The following RIMS2 variants were observed in gnomAD, a reference collection of about 807,000 sequenced individuals.
RIMS2 encodes the protein regulating synaptic membrane exocytosis protein 2.
RIMS2 carries 59 observed loss-of-function variants against 174.4 expected under a neutral mutation model. The ratio of observed to expected loss-of-function variants is 0.34; its 90% CI spans 0.27 to 0.42. RIMS2 has a LOEUF of 0.42. RIMS2 is among the 10% of genes least tolerant of loss of function. The probability of loss-of-function intolerance (pLI) is 1.00; values close to 1 mark genes in which losing one functional copy is unlikely to be tolerated. For synonymous variants in RIMS2, 606 were observed against 572.5 expected (o/e 1.06, Z -0.84); for missense variants, 1,620 against 1,666.3 (o/e 0.97, Z 0.48).
Position 103,961,859 on chromosome 8 carries a change from TAA to T in RIMS2, c.2770+727_2770+728del, listed in dbSNP as rs931162400. Among the ~76,000 whole-genome samples the T allele has an allele frequency of 8.5e-5, 13 of 152,288 alleles. No homozygotes were observed. The East Asian group carries it at 1.7e-3, about 20-fold the overall frequency. On this transcript the variant is annotated intron_variant, in intron 15 of 23. Coordinates refer to ENST00000504942, the Ensembl canonical transcript of RIMS2. Reference sequence around the variant, plus strand: ...ACAATATTTTTTTGCCAATTTTTGTTAAGAGTCAGTTAGCATGCCTTTATCAG... The same window carrying T: ...ACAATATTTTTTTGCCAATTTTTGTTGAGTCAGTTAGCATGCCTTTATCAG...
intron 1 of RIMS2, among the ~76,000 whole-genome samples, chr8:103,506,578 GT>G (rs748987674): frequency 3.3e-5 from 5 of 152,048 alleles, no homozygotes; most frequent in Non-Finnish European, 5.9e-5. Context: ...GATTGTGATT[GT>G]TATAGACTAA....
chr8:103,756,403 TGC>T, intron 2 of RIMS2, among the ~76,000 whole-genome samples: 1 of 150,582 alleles, frequency 6.6e-6, no homozygotes, highest in African/African-American at 2.4e-5. Flanking sequence ...TTTTTTTTTT[TGC>T]AGGACTCTTG....
intron 19 of RIMS2, among the ~76,000 whole-genome samples, chr8:104,146,308 G>C (rs1165777375): frequency 2.6e-5 from 4 of 151,860 alleles, no homozygotes; most frequent in Non-Finnish European, 4.4e-5. Context: ...GAGCCCAGGG[G>C]TTCGAGGTTA....
chr8:103,652,825 C>A (rs1040768623), intron 1 of RIMS2, 115 bp downstream of exon 3: 2 of 529,238 alleles, frequency 3.8e-6, no homozygotes, highest in Admixed American at 5.3e-5. Context: ...GAAAATTGTT[C>A]GGTTAGGGTT....
intron 1 of RIMS2, among the ~76,000 whole-genome samples, chr8:103,666,003 A>G (rs2096664247): frequency 6.6e-6 from 1 of 152,206 alleles, no homozygotes; most frequent in Admixed American, 6.5e-5. Context: ...TTGTTAGAAG[A>G]AAAACTTCAG....
intron 3 of RIMS2, among the ~76,000 whole-genome samples, chr8:103,798,915 CTTTTT>C (rs376864472): frequency 9.9e-4 from 133 of 134,808 alleles, no homozygotes; most frequent in African/African-American, 3.5e-3. Flanking sequence ...AGGTAGAAAA[CTTTTT>C]TTTTTTTTTT....
At chr8:103,942,638 C>A in intron 13 of RIMS2, 135 bp from the exon 16 acceptor site, 1 of 572,890 alleles carries the variant, frequency 1.7e-6, no homozygotes, top group Non-Finnish European at 2.9e-6. Flanking sequence ...GACAATTTTG[C>A]AACGTCTAAA....
chr8:103,837,517 T>TC (rs1300122319), intron 3 of RIMS2, among the ~76,000 whole-genome samples: 1 of 152,116 alleles, frequency 6.6e-6, no homozygotes, highest in African/African-American at 2.4e-5. Flanking sequence ...ATGCTATCCC[T>TC]CCCCCCTCAA....
At chr8:104,128,104 A>G (rs77235320) in intron 19 of RIMS2, among the ~76,000 whole-genome samples, 3,020 of 152,300 alleles carry the variant, frequency 0.02, 139 homozygotes, top group East Asian at 0.15. Flanking sequence ...GCAATTTGAA[A>G]TGATAGCTAA....
rs139627372 is a variant in RIMS2 at position 103,565,285 on chromosome 8, G to T, written c.176+64223G>T. ...CTAAAGTTAAGGAGGGAGGGAGAAG[G>T]AAATCTGATTTTGTGCTGTTTAATG... On this transcript the variant is annotated intron_variant, in intron 1 of 23. Transcript: ENST00000504942. Among the ~76,000 whole-genome samples, 43 of 151,896 alleles carry T rather than the reference G, an allele frequency of 2.8e-4. 2 individuals are homozygous for T. In the East Asian group the frequency reaches 7.4e-3, roughly 26 times the overall value.
chr8:103,856,216 T>G (rs894150404), intron 3 of RIMS2, among the ~76,000 whole-genome samples: 1 of 152,198 alleles, frequency 6.6e-6, no homozygotes, highest in Non-Finnish European at 1.5e-5. Flanking sequence ...CAACTCCTGC[T>G]CATTTTGTTT....
chr8:103,819,249 T>C (rs2098736256), intron 3 of RIMS2: 1 of 1,288,454 alleles, frequency 7.8e-7, no homozygotes, highest in East Asian at 3.7e-5. Context: ...CCAAAAAGCT[T>C]ACTGCTGTTT....
At chr8:103,623,646 G>A (rs1372883069) in intron 1 of RIMS2, among the ~76,000 whole-genome samples, 4 of 146,132 alleles carry the variant, frequency 2.7e-5, no homozygotes, top group African/African-American at 5.2e-5. Flanking sequence ...CACCACGCCC[G>A]GCTAATTTTT....
At chr8:103,856,880 C>T (rs770155192) in intron 3 of RIMS2, among the ~76,000 whole-genome samples, 2 of 151,948 alleles carry the variant, frequency 1.3e-5, no homozygotes, top group South Asian at 2.1e-4. Flanking sequence ...GGTCTCGGCT[C>T]ATTGCAACCT....
At chr8:103,855,965 C>T (rs2099025385) in intron 3 of RIMS2, among the ~76,000 whole-genome samples, 1 of 152,018 alleles carries the variant, frequency 6.6e-6, no homozygotes, top group Admixed American at 6.6e-5. Flanking sequence ...GTAGAAGTTC[C>T]TCACTATTAT....
intron 1 of RIMS2, among the ~76,000 whole-genome samples, chr8:103,532,314 T>G (rs1416482534): frequency 1.3e-5 from 2 of 152,224 alleles, no homozygotes; most frequent in Non-Finnish European, 2.9e-5. Context: ...CTCATTCCAT[T>G]GGTTGGTTTT....
At chr8:104,108,663 T>A (rs1291470260) in intron 19 of RIMS2, among the ~76,000 whole-genome samples, 2 of 152,162 alleles carry the variant, frequency 1.3e-5, no homozygotes, top group Non-Finnish European at 2.9e-5. Context: ...TTTTTAGATA[T>A]AATGTAATTA....
intron 1 of RIMS2, among the ~76,000 whole-genome samples, chr8:103,663,105 A>T (rs1415721563): frequency 1.3e-5 from 2 of 151,772 alleles, no homozygotes; most frequent in African/African-American, 2.4e-5. Context: ...GGAGGCAGAG[A>T]TTGCAGTGAG....
At chr8:103,699,236 A>G (rs1564334037) in intron 2 of RIMS2, among the ~76,000 whole-genome samples, 1 of 152,028 alleles carries the variant, frequency 6.6e-6, no homozygotes, top group African/African-American at 2.4e-5. Context: ...TTCCTGCTCA[A>G]CCTGGCTAGA....
Sources: gnomAD v4.1 joint callset for allele counts (sites outside exome capture counted in the v4.1 genomes callset) on GRCh38, gnomAD v4.1.1 for gene constraint, MANE v1.5 for transcripts, NCBI Gene and HGNC (gene_info 2026-07-23, HGNC 2026-07-21) for gene names.